TNRC6B: variants seen among roughly 807,000 people sequenced by gnomAD.
TNRC6B encodes the protein trinucleotide repeat-containing gene 6B protein.
In TNRC6B, 52 loss-of-function variants were observed where a neutral mutation model predicts 203.6. The observed-to-expected ratio is 0.26, with a 90% CI of 0.20 to 0.32. The LOEUF (loss-of-function observed/expected upper bound fraction) is 0.32. Among genes scored for constraint, TNRC6B ranks in the 10% least tolerant of loss-of-function variants. The pLI is 1.00. For missense variants in TNRC6B, 1,923 were observed against 2,286.2 expected, an observed-to-expected ratio of 0.84 and a Z score of 3.24; for synonymous variants, 838 against 845.7, an observed-to-expected ratio of 0.99 and a Z score of 0.16.
chr22:40,315,424 A>C lies in TNRC6B; in HGVS notation c.4820A>C (p.Asn1607Thr). 2 of 1,613,884 alleles carry C rather than the reference A, an allele frequency of 1.2e-6. No homozygotes were observed. The highest frequency in any genetic ancestry group is 1.7e-6 in the Non-Finnish European group (2 of 1,179,868). The change falls in exon 20 of 23, where the codon AAC becomes ACC. Residue 1607 changes from asparagine (N) to threonine (T), a missense_variant. Physicochemically the swap from Asn to Thr is moderately conservative, Grantham distance 65. Around this residue, in one of 8 missense-constraint regions of TNRC6B, gnomAD observed 159 missense variants for 181.0 expected, o/e 0.88. Transcript: ENST00000454349. ...CCCCGCCCACCTCCTGGTCTGACCA[A>C]CCCCAAACCATCATCTCCCTGGAGC... ...PLPRPPPGLT[N>T]PKPSSPWSST...
rs191862396 is a variant in TNRC6B at position 40,106,593 on chromosome 22, C to A, written c.-120-10462C>A. ...CGCTTCTTACTGAATTCTCCATAAC[C>A]ACGCTTGTAGATAAGTTCATTTAGT... is the stretch of plus-strand genomic sequence containing the variant. On this transcript the variant is annotated intron_variant, in intron 1 of 23. Transcript: ENST00000301923. 903 of 726,704 alleles carry A rather than the reference C, an allele frequency of 1.2e-3. 10 individuals carry two copies. The highest frequency in any genetic ancestry group is 7.5e-3 in the East Asian group (303 of 40,168). The allele number at this position is 726,704 out of a possible 1,614,324, so 45.0% of individuals were successfully genotyped here.
chr22:40,229,823 T>G (rs1016176554), intron 1 of TNRC6B, among the ~76,000 whole-genome samples: 4 of 152,244 alleles, frequency 2.6e-5, no homozygotes, highest in African/African-American at 9.6e-5. Flanking sequence ...AGTAGCATTC[T>G]GTTGTATATT....
intron 1 of TNRC6B, among the ~76,000 whole-genome samples, chr22:40,049,536 A>G (rs1376826933): frequency 3.3e-5 from 5 of 152,152 alleles, no homozygotes; most frequent in Non-Finnish European, 5.9e-5. Context: ...TGTATATGCT[A>G]GCCTGCATAT....
At position 40,180,711 on chromosome 22, in the gene TNRC6B, C is replaced by G. The variant is rs1390720024; in HGVS notation, c.5+2571C>G. Among the ~76,000 whole-genome samples, 3 of 152,298 alleles carry G rather than the reference C, an allele frequency of 2.0e-5. No individual in the cohort carries two copies. In the East Asian group the frequency reaches 5.8e-4, roughly 29 times the overall value. ...AATTTGTGCCTTCTGTTGAAGTTTT[C>G]TTTCTGTGAGTACTGTGAATTGAAG... On this transcript the variant is annotated intron_variant, in intron 1 of 22. Transcript: ENST00000454349.
chr22:40,284,908 A>G (rs527551893), intron 11 of TNRC6B, among the ~76,000 whole-genome samples: 9 of 152,344 alleles, frequency 5.9e-5, no homozygotes, highest in East Asian at 3.9e-4. Flanking sequence ...AAGGGCCACC[A>G]TATAACCCAA....
chr22:40,095,358 T>C (rs2068179228), intron 1 of TNRC6B, among the ~76,000 whole-genome samples: 1 of 152,154 alleles, frequency 6.6e-6, no homozygotes, highest in Non-Finnish European at 1.5e-5. Flanking sequence ...CAAGGCCATT[T>C]CTCTGCTTCC....
intron 1 of TNRC6B, among the ~76,000 whole-genome samples, chr22:40,059,827 T>TG (rs2067832921): frequency 1.3e-5 from 2 of 150,828 alleles, no homozygotes; most frequent in African/African-American, 4.9e-5. Context: ...TTTTTTTTTT[T>TG]TTTTTTTTCC....
chr22:40,316,080 C>A, intron 21 of TNRC6B, 68 bp downstream of exon 21: 1 of 1,430,940 alleles, frequency 7.0e-7, no homozygotes, highest in Non-Finnish European at 9.8e-7. Context: ...AAAGGTTGGG[C>A]ATGGTGGCTC....
At chr22:40,194,705 C>T (rs992908146) in intron 1 of TNRC6B, among the ~76,000 whole-genome samples, 5 of 152,200 alleles carry the variant, frequency 3.3e-5, no homozygotes, top group African/African-American at 4.8e-5. Flanking sequence ...TAAATGCAAT[C>T]AGCCTGTGAA....
At position 40,177,972 on chromosome 22, in the gene TNRC6B, GAGTT is replaced by G; in HGVS notation, c.-159_-156del. 1.4e-6 allele frequency: 2 copies of G among 1,472,490 alleles called. No homozygotes were observed. Among genetic ancestry groups the G allele is most frequent in the Non-Finnish European group, 8.9e-7 (1 of 1,119,642 alleles). The allele number at this position is 1,472,490 out of a possible 1,614,324, so 91.2% of individuals were successfully genotyped here. Reference sequence around the variant, plus strand: ...AGCAAGAGGGAGAGTGTGTGAGAGAGAGTTAGTTCAAGCCAAAATGGCCGACAGA... The same window carrying G: ...AGCAAGAGGGAGAGTGTGTGAGAGAGAGTTCAAGCCAAAATGGCCGACAGA... On this transcript the variant is annotated 5_prime_UTR_variant, in exon 1 of 23. Coordinates refer to ENST00000454349, the MANE Select transcript of TNRC6B (RefSeq NM_001162501.2).
At chr22:40,233,165 G>A (rs1006689762) in intron 1 of TNRC6B, among the ~76,000 whole-genome samples, 1 of 151,470 alleles carries the variant, frequency 6.6e-6, no homozygotes, top group African/African-American at 2.4e-5. Flanking sequence ...AAAAAGAAAA[G>A]AAAAGAAATT....
At chr22:40,283,755 C>T (rs2070748193) in intron 11 of TNRC6B, among the ~76,000 whole-genome samples, 1 of 151,946 alleles carries the variant, frequency 6.6e-6, no homozygotes, top group Admixed American at 6.6e-5. Flanking sequence ...AAATTGTCTA[C>T]TGGGAAGAGG....
chr22:40,156,196 T>G, intron 4 of TNRC6B: 1 of 1,561,360 alleles, frequency 6.4e-7, no homozygotes, highest in Non-Finnish European at 8.7e-7. Context: ...AGTCACAGTT[T>G]ATTTAAAAAG....
At chr22:40,319,507 G>A (rs960890807) in intron 21 of TNRC6B, among the ~76,000 whole-genome samples, 1 of 148,912 alleles carries the variant, frequency 6.7e-6, no homozygotes, top group East Asian at 2.0e-4. Flanking sequence ...CTCACTGCAA[G>A]CTCCGCCTCC....
chr22:40,320,275 A>C (rs1234406935), intron 21 of TNRC6B, among the ~76,000 whole-genome samples: 1 of 152,084 alleles, frequency 6.6e-6, no homozygotes, highest in African/African-American at 2.4e-5. Context: ...AGGTCAGGAG[A>C]TCAAGACCAT....
intron 1 of TNRC6B, among the ~76,000 whole-genome samples, chr22:40,201,753 C>T (rs767390282): frequency 6.6e-6 from 1 of 151,912 alleles, no homozygotes; most frequent in Non-Finnish European, 1.5e-5. Flanking sequence ...TTGAGAATCC[C>T]GAATCTGAAA....
At chr22:40,113,382 T>C (rs954972154) in intron 1 of TNRC6B, among the ~76,000 whole-genome samples, 8 of 152,196 alleles carry the variant, frequency 5.3e-5, no homozygotes, top group Non-Finnish European at 1.2e-4. Context: ...TGAGACAAGG[T>C]CTGGCTCTGT....
At chr22:40,178,255 A>G in intron 1 of TNRC6B, 115 bp downstream of exon 1, 1 of 1,239,146 alleles carries the variant, frequency 8.1e-7, no homozygotes, top group Non-Finnish European at 1.2e-6. Flanking sequence ...CTGGCTTCAG[A>G]CATTTCGTGG....
intron 21 of TNRC6B, 94 bp from the exon 22 acceptor site, chr22:40,320,996 C>G (rs2071327337): frequency 2.1e-6 from 3 of 1,443,080 alleles, no homozygotes; most frequent in Admixed American, 1.9e-5. Flanking sequence ...GCAAAATGGG[C>G]ACACTAGGTC....
Sources: allele counts gnomAD v4.1 joint callset (sites outside exome capture counted in the v4.1 genomes callset), GRCh38; gene constraint gnomAD v4.1.1; regional missense constraint gnomAD v4.1.1; transcripts MANE v1.5; gene names NCBI Gene and HGNC (gene_info 2026-07-23, HGNC 2026-07-21).